The following CYRIA variants were observed in gnomAD, a reference collection of about 807,000 sequenced individuals.
CYRIA encodes CYFIP related Rac1 interactor A, also known as CYFIP-related Rac1 interactor A.
A neutral mutation model predicts 43.9 loss-of-function variants in CYRIA; 15 were observed. The observed-to-expected ratio is 0.34, with a 90% CI of 0.23 to 0.53. The LOEUF is 0.53. Ranked by LOEUF, CYRIA falls within the 20% of genes least tolerant of loss-of-function variation. CYRIA has a pLI of 0.94. For missense variants in CYRIA, 236 were observed against 394.2 expected, an observed-to-expected ratio of 0.60 and a Z score of 3.40; for synonymous variants, 117 against 136.0, an observed-to-expected ratio of 0.86 and a Z score of 0.97.
At chr2:16,639,411 G>A (rs911951105) in intron 1 of CYRIA, among the ~76,000 whole-genome samples, 6 of 152,172 alleles carry the variant, frequency 3.9e-5, no homozygotes, top group African/African-American at 9.7e-5. Context: ...TGTCTTACAC[G>A]ATGGGCACAG....
chr2:16,593,243 C>G (rs1296983584), intron 2 of CYRIA, among the ~76,000 whole-genome samples: 1 of 152,050 alleles, frequency 6.6e-6, no homozygotes, highest in Non-Finnish European at 1.5e-5. Flanking sequence ...CTTTATTTTT[C>G]AAGATTGGTG....
At chr2:16,557,320 T>C (rs1287048826) in intron 10 of CYRIA, among the ~76,000 whole-genome samples, 1 of 152,012 alleles carries the variant, frequency 6.6e-6, no homozygotes, top group Non-Finnish European at 1.5e-5. Flanking sequence ...GCAAAACGAG[T>C]TTCTCCCTCC....
intron 3 of CYRIA, among the ~76,000 whole-genome samples, chr2:16,573,254 A>G (rs1238635324): frequency 6.6e-6 from 1 of 152,226 alleles, no homozygotes; most frequent in Non-Finnish European, 1.5e-5. Context: ...AGGGATGTGT[A>G]CAACAATGAG....
At chr2:16,605,878 A>C (rs1668380488) in intron 2 of CYRIA, among the ~76,000 whole-genome samples, 1 of 152,154 alleles carries the variant, frequency 6.6e-6, no homozygotes, top group Non-Finnish European at 1.5e-5. Flanking sequence ...ACCGCTGAGC[A>C]ACTTCTCCTT....
At chr2:16,621,822 T>C (rs938128723) in intron 2 of CYRIA, among the ~76,000 whole-genome samples, 1 of 152,300 alleles carries the variant, frequency 6.6e-6, no homozygotes, top group African/African-American at 2.4e-5. Context: ...TTTATTTTTT[T>C]CTGCTTTATT....
chr2:16,638,847 A>C (rs1669588904), intron 1 of CYRIA, among the ~76,000 whole-genome samples: 1 of 151,984 alleles, frequency 6.6e-6, no homozygotes, highest in Non-Finnish European at 1.5e-5. Flanking sequence ...TAGTGCCCTT[A>C]CTCAAGTGAC....
At chr2:16,581,804 GATC>G (rs1412555702) in intron 3 of CYRIA, among the ~76,000 whole-genome samples, 1 of 152,058 alleles carries the variant, frequency 6.6e-6, no homozygotes, top group Non-Finnish European at 1.5e-5. Context: ...TAGCCCATAT[GATC>G]ATCAACAGGA....
intron 3 of CYRIA, among the ~76,000 whole-genome samples, chr2:16,575,475 G>A (rs544000318): frequency 2.6e-5 from 4 of 152,072 alleles, no homozygotes; most frequent in South Asian, 2.1e-4. Context: ...GGGACCTAGC[G>A]GGAGGTAACT....
At chr2:16,633,900 A>G (rs1025561188) in intron 1 of CYRIA, among the ~76,000 whole-genome samples, 1 of 152,110 alleles carries the variant, frequency 6.6e-6, no homozygotes, top group Non-Finnish European at 1.5e-5. Context: ...TCCACATTCC[A>G]GTCACACCAA....
intron 2 of CYRIA, among the ~76,000 whole-genome samples, chr2:16,609,937 G>A (rs1668534440): frequency 6.6e-6 from 1 of 152,178 alleles, no homozygotes; most frequent in Admixed American, 6.5e-5. Flanking sequence ...CAGAAGGACT[G>A]CATCTCGCTT....
At chr2:16,631,102 A>G (rs1270881991) in intron 1 of CYRIA, among the ~76,000 whole-genome samples, 1 of 152,208 alleles carries the variant, frequency 6.6e-6, no homozygotes, top group Non-Finnish European at 1.5e-5. Flanking sequence ...CCTCAGATAC[A>G]ACACCTGTTA....
At chr2:16,603,542 C>T (rs1265307033) in intron 2 of CYRIA, among the ~76,000 whole-genome samples, 1 of 151,974 alleles carries the variant, frequency 6.6e-6, no homozygotes, top group African/African-American at 2.4e-5. Context: ...TGGAAGGACC[C>T]CCTGAGCCCT....
At position 16,552,653 on chromosome 2, in the gene CYRIA, G is replaced by A. The variant is rs767999050; in HGVS notation, c.*283C>T. 1.3e-4 allele frequency: 43 copies of A among 321,390 alleles called. No individual in the cohort carries two copies. The highest frequency in any genetic ancestry group is 2.8e-4 in the Admixed American group (6 of 21,066). The allele number at this position is 321,390 out of a possible 1,614,324, so 19.9% of individuals were successfully genotyped here. ...CACAAACAATTAGGAATTTTTTATC[G>A]TTATAGATGTTGTTAAAGGACTCCA... On this transcript the variant is annotated 3_prime_UTR_variant, in exon 12 of 12. Transcript: ENST00000381323.
intron 1 of CYRIA, among the ~76,000 whole-genome samples, chr2:16,641,683 T>G (rs147017128): frequency 6.2e-4 from 95 of 152,350 alleles, no homozygotes; most frequent in African/African-American, 2.2e-3. Context: ...TGCTCACCAA[T>G]GTTGCATAAG....
chr2:16,550,780 C>A lies in CYRIA; in HGVS notation c.*2156G>T, dbSNP rs1421551374. The A allele has an allele frequency of 6.6e-6, 1 of 152,128 alleles. No homozygotes were observed. The highest frequency in any genetic ancestry group is 1.5e-5 in the Non-Finnish European group (1 of 68,034). The allele number at this position is 152,128 out of a possible 1,614,324, so 9.4% of individuals were successfully genotyped here. A position where few individuals can be genotyped will look rare whatever the true frequency, so the allele number is the denominator to read the frequency against. On this transcript the variant is annotated 3_prime_UTR_variant, in exon 12 of 12. Coordinates refer to ENST00000381323, the MANE Select transcript of CYRIA (RefSeq NM_030797.4). ...CCTGTGGTGGCTGGCAAGTCCTTTC[C>A]TTTCTTTAAGCCTTAATCTCCTCAC...
intron 10 of CYRIA, among the ~76,000 whole-genome samples, chr2:16,559,189 A>C (rs1435707478): frequency 6.6e-6 from 1 of 152,308 alleles, no homozygotes; most frequent in Middle Eastern, 3.4e-3. Context: ...GACTGCATGC[A>C]ACTAAGTGAC....
chr2:16,616,784 C>G (rs1668810618), intron 2 of CYRIA, among the ~76,000 whole-genome samples: 1 of 152,222 alleles, frequency 6.6e-6, no homozygotes, highest in South Asian at 2.1e-4. Context: ...AGGCACTTTT[C>G]CAAATGCTTG....
chr2:16,640,464 C>A (rs534646062), intron 1 of CYRIA, among the ~76,000 whole-genome samples: 9 of 152,340 alleles, frequency 5.9e-5, no homozygotes, highest in Non-Finnish European at 1.2e-4. Context: ...GGGCTTCCAT[C>A]TTCTGGCACA....
chr2:16,624,696 GT>G (rs963753963), intron 1 of CYRIA, among the ~76,000 whole-genome samples: 25 of 152,198 alleles, frequency 1.6e-4, no homozygotes, highest in African/African-American at 4.6e-4. Flanking sequence ...TTATTGCAGG[GT>G]TTTTTTCCTG....
Sources: allele counts gnomAD v4.1 joint callset (sites outside exome capture counted in the v4.1 genomes callset), GRCh38; gene constraint gnomAD v4.1.1; transcripts MANE v1.5; gene names NCBI Gene and HGNC (gene_info 2026-07-23, HGNC 2026-07-21).